UNC13C: variants seen among roughly 807,000 people sequenced by gnomAD.
UNC13C encodes the protein unc-13 homolog C, also known as protein unc-13 homolog C.
In UNC13C, 174 loss-of-function variants were observed where a neutral mutation model predicts 245.4. The observed-to-expected ratio is 0.71, with a 90% CI of 0.63 to 0.80. The LOEUF is 0.80. UNC13C is among the 30% of genes least tolerant of loss of function. The pLI, the probability that UNC13C is intolerant of heterozygous loss-of-function variation, is 0.00. For missense variants in UNC13C, 2,829 were observed against 2,602.9 expected, an observed-to-expected ratio of 1.09 and a Z score of -1.89; for synonymous variants, 992 against 895.1, an observed-to-expected ratio of 1.11 and a Z score of -1.93.
At chr15:54,213,758 C>T (rs1223858412) in intron 4 of UNC13C, among the ~76,000 whole-genome samples, 4 of 151,924 alleles carry the variant, frequency 2.6e-5, no homozygotes, top group African/African-American at 9.7e-5. Context: ...TCAAGCAGTT[C>T]AAAAGGGGAA....
rs552381976 is a variant in UNC13C at position 54,386,376 on chromosome 15, G to A, written c.4714-6672G>A. 4.6e-5 allele frequency among the ~76,000 whole-genome samples: 7 copies of A among 152,316 alleles called. No homozygotes were observed. The East Asian group carries it at 9.7e-4, about 21-fold the overall frequency. ...CACTAGCACTTGGCAGAGATTGAAAGTCAGGCAGGGAAGTGGAAAAGCCTT... is the reference window on the plus strand; with the variant it reads ...CACTAGCACTTGGCAGAGATTGAAAATCAGGCAGGGAAGTGGAAAAGCCTT... On this transcript the variant is annotated intron_variant, in intron 17 of 32. Transcript: ENST00000260323.
At chr15:54,268,158 T>G in intron 10 of UNC13C, among the ~76,000 whole-genome samples, 1 of 152,122 alleles carries the variant, frequency 6.6e-6, no homozygotes, top group South Asian at 2.1e-4. Flanking sequence ...TTTCTTATTT[T>G]TTTCTTCTGT....
the UNC13C span, among the ~76,000 whole-genome samples, chr15:53,873,328 C>T: frequency 6.6e-6 from 1 of 152,096 alleles, no homozygotes; most frequent in Admixed American, 6.6e-5. Context: ...TCTTCTCATC[C>T]TGTCTCATTC....
At chr15:54,386,731 G>C (rs2039845494) in intron 17 of UNC13C, among the ~76,000 whole-genome samples, 1 of 152,128 alleles carries the variant, frequency 6.6e-6, no homozygotes, top group African/African-American at 2.4e-5. Context: ...ATGGCTAACA[G>C]TTTTTTAAAT....
intron 19 of UNC13C, among the ~76,000 whole-genome samples, chr15:54,472,865 AC>A (rs1377154823): frequency 6.6e-6 from 1 of 151,882 alleles, no homozygotes; most frequent in East Asian, 1.9e-4. Context: ...AATAATTTAA[AC>A]ATGTATTTCA....
At chr15:54,570,339 T>A (rs2141220935) in intron 30 of UNC13C, among the ~76,000 whole-genome samples, 1 of 152,324 alleles carries the variant, frequency 6.6e-6, no homozygotes, top group East Asian at 1.9e-4. Flanking sequence ...TGAGGTTCAC[T>A]TGAGCCATAC....
intron 7 of UNC13C, among the ~76,000 whole-genome samples, chr15:54,243,340 A>G (rs1386782810): frequency 1.3e-5 from 2 of 152,078 alleles, no homozygotes; most frequent in African/African-American, 2.4e-5. Context: ...GCTGCATAGT[A>G]TTTCATGGTG....
chr15:53,926,497 G>A, the UNC13C span, among the ~76,000 whole-genome samples: 2 of 152,130 alleles, frequency 1.3e-5, no homozygotes, highest in African/African-American at 4.8e-5. Flanking sequence ...AGGAAAACAC[G>A]TAGAGGATAA....
At chr15:54,315,692 T>G (rs940740568) in intron 13 of UNC13C, among the ~76,000 whole-genome samples, 1 of 151,762 alleles carries the variant, frequency 6.6e-6, no homozygotes, top group Non-Finnish European at 1.5e-5. Context: ...ACATGGAAGC[T>G]CTATGAGCAC....
At chr15:53,861,835 T>C in the UNC13C span, among the ~76,000 whole-genome samples, 1 of 152,120 alleles carries the variant, frequency 6.6e-6, no homozygotes, top group East Asian at 1.9e-4. Context: ...ACTGCCTACC[T>C]TTCTCTTGTC....
chr15:54,279,636 G>T (rs759001354), intron 10 of UNC13C, among the ~76,000 whole-genome samples: 1 of 152,186 alleles, frequency 6.6e-6, no homozygotes, highest in Non-Finnish European at 1.5e-5. Flanking sequence ...TAAGAGAAAG[G>T]ATGCCAGGTG....
the UNC13C span, among the ~76,000 whole-genome samples, chr15:53,840,762 A>G: frequency 6.6e-6 from 1 of 152,170 alleles, no homozygotes; most frequent in African/African-American, 2.4e-5. Context: ...ACAAAGAGAA[A>G]CAGATGTAAA....
rs56041311 is a variant in UNC13C at position 54,538,133 on chromosome 15, C to CAAAAAAAAAAAAAAAAAA, written c.5696+5081_5696+5098dup. Among the ~76,000 whole-genome samples the CAAAAAAAAAAAAAAAAAA allele has an allele frequency of 2.7e-3, 28 of 10,256 alleles. 1 individual carries two copies. The highest frequency in any genetic ancestry group is 9.3e-3 in the East Asian group (2 of 214). 6.7% of individuals were successfully genotyped at this position (10,256 alleles called of 152,430 possible). Reference sequence around the variant, plus strand: ...TAAGGAGCTTAAATACATTAACAAGCAAAAAAAAAAAAAAAAAAAAAAAAA... The same window carrying CAAAAAAAAAAAAAAAAAA: ...TAAGGAGCTTAAATACATTAACAAGCAAAAAAAAAAAAAAAAAAAAAAAAAAAAAAAAAAAAAAAAAAA... On this transcript the variant is annotated intron_variant, in intron 26 of 32. Coordinates refer to ENST00000260323, the MANE Select transcript of UNC13C (RefSeq NM_001080534.3).
At chr15:53,871,094 TTTGA>T in the UNC13C span, among the ~76,000 whole-genome samples, 4 of 152,188 alleles carry the variant, frequency 2.6e-5, no homozygotes, top group Admixed American at 6.5e-5. Context: ...CCCAAATAAA[TTTGA>T]TTGCTGTGTG....
the UNC13C span, among the ~76,000 whole-genome samples, chr15:53,939,808 A>G: frequency 8.5e-6 from 1 of 117,614 alleles, no homozygotes; most frequent in Admixed American, 8.3e-5. Context: ...GCCAAGAGAA[A>G]GGACGAGAGA....
rs577089624 is a variant in UNC13C at position 54,004,355 on chromosome 15, G to A, written c.-256-8293G>A. 7.4e-4 allele frequency among the ~76,000 whole-genome samples: 112 copies of A among 152,124 alleles called. 1 individual carries two copies. Among genetic ancestry groups the A allele is most frequent in the South Asian group, 2.7e-3 (13 of 4,810 alleles). On this transcript the variant is annotated intron_variant, in intron 1 of 32. Transcript: ENST00000260323. ...GACAGGATCTCATTATTCTTTTTACGGCTGAATAGTACTTTATTATGTATA... is the reference window on the plus strand; with the variant it reads ...GACAGGATCTCATTATTCTTTTTACAGCTGAATAGTACTTTATTATGTATA...
At chr15:53,888,478 A>G in the UNC13C span, among the ~76,000 whole-genome samples, 2 of 151,960 alleles carry the variant, frequency 1.3e-5, no homozygotes, top group African/African-American at 4.8e-5. Context: ...TATTGCAAAA[A>G]TTTTCTCCCC....
At chr15:54,253,740 T>C (rs1042665876) in intron 8 of UNC13C, among the ~76,000 whole-genome samples, 3 of 152,194 alleles carry the variant, frequency 2.0e-5, no homozygotes, top group Non-Finnish European at 4.4e-5. Context: ...AAAGGCCGTG[T>C]TGGCTGGGAT....
At chr15:53,946,436 G>T in the UNC13C span, among the ~76,000 whole-genome samples, 8 of 136,226 alleles carry the variant, frequency 5.9e-5, no homozygotes, top group Non-Finnish European at 1.1e-4. Flanking sequence ...AGTTTACTGA[G>T]GTGTTCTTTT....
Sources: gnomAD v4.1 joint callset for allele counts (sites outside exome capture counted in the v4.1 genomes callset) on GRCh38, gnomAD v4.1.1 for gene constraint, MANE v1.5 for transcripts, NCBI Gene and HGNC (gene_info 2026-07-23, HGNC 2026-07-21) for gene names.